The following SLC67A2 variants were observed in gnomAD, a reference collection of about 807,000 sequenced individuals.
The protein encoded by SLC67A2 is solute carrier family 67 member A2.
chr2:102,725,990 G>A, the SLC67A2 span, among the ~76,000 whole-genome samples: 3 of 152,128 alleles, frequency 2.0e-5, no homozygotes. Flanking sequence ...TCCTAAGAAC[G>A]GCAAAGAGAG....
At chr2:102,736,630 C>A in the SLC67A2 span, 1 of 1,613,902 alleles carries the variant, frequency 6.2e-7, no homozygotes, top group African/African-American at 1.3e-5. Context: ...CTCCCAGCCC[C>A]CACGCTCGCA....
At chr2:102,724,573 C>T in the SLC67A2 span, among the ~76,000 whole-genome samples, 2 of 152,200 alleles carry the variant, frequency 1.3e-5, no homozygotes, top group African/African-American at 2.4e-5. Flanking sequence ...TGTCCCTAGA[C>T]CCCCCACGTG....
the SLC67A2 span, chr2:102,732,246 T>C: frequency 2.5e-6 from 3 of 1,211,998 alleles, no homozygotes; most frequent in Non-Finnish European, 3.7e-6. Flanking sequence ...GGATACAAAA[T>C]TGAATTGTTT....
chr2:102,732,176 T>C, the SLC67A2 span: 2 of 771,716 alleles, frequency 2.6e-6, no homozygotes, highest in African/African-American at 3.5e-5. Flanking sequence ...TAGGGTAATA[T>C]TTTAAAATAT....
At chr2:102,726,432 G>A in the SLC67A2 span, among the ~76,000 whole-genome samples, 22 of 152,314 alleles carry the variant, frequency 1.4e-4, no homozygotes, top group South Asian at 2.1e-4. Context: ...TGTCAAGTAC[G>A]ACTCCAGGTT....
chr2:102,729,633 G>A, the SLC67A2 span, among the ~76,000 whole-genome samples: 2 of 152,058 alleles, frequency 1.3e-5, no homozygotes, highest in Non-Finnish European at 2.9e-5. Context: ...ATATCATTAA[G>A]GCAATGACAG....
the SLC67A2 span, chr2:102,718,355 C>T: frequency 6.3e-7 from 1 of 1,574,852 alleles, no homozygotes; most frequent in Non-Finnish European, 8.6e-7. Context: ...GTGCCCTTTT[C>T]ATCATGGCCT....
chr2:102,719,912 C>A, the SLC67A2 span, among the ~76,000 whole-genome samples: 2 of 152,142 alleles, frequency 1.3e-5, no homozygotes, highest in Non-Finnish European at 2.9e-5. Context: ...GTCACACCTG[C>A]AAAACCTCAG....
the SLC67A2 span, chr2:102,736,861 G>T: frequency 2.6e-6 from 4 of 1,544,682 alleles, no homozygotes; most frequent in East Asian, 2.3e-5. Flanking sequence ...ACCTACCCCG[G>T]GAGCCCAGCC....
chr2:102,734,828 T>G, the SLC67A2 span, among the ~76,000 whole-genome samples: 1 of 152,222 alleles, frequency 6.6e-6, no homozygotes, highest in African/African-American at 2.4e-5. Context: ...AAACATATGA[T>G]AAATTGTGAA....
chr2:102,722,058 C>T, the SLC67A2 span, among the ~76,000 whole-genome samples: 8 of 152,236 alleles, frequency 5.3e-5, no homozygotes, highest in Non-Finnish European at 1.0e-4. Context: ...GACAAAATCT[C>T]TTCCCTCATG....
At chr2:102,719,787 CAT>C in the SLC67A2 span, among the ~76,000 whole-genome samples, 6 of 152,222 alleles carry the variant, frequency 3.9e-5, no homozygotes, top group Non-Finnish European at 5.9e-5. Flanking sequence ...CAGGCTGCCA[CAT>C]ATGTGACAGC....
the SLC67A2 span, chr2:102,726,764 C>A: frequency 1.3e-6 from 2 of 1,514,010 alleles, no homozygotes; most frequent in South Asian, 1.4e-5. Flanking sequence ...AGAGGTGGCC[C>A]AGGAGGAAGC....
At chr2:102,736,824 G>C in the SLC67A2 span, 1 of 1,590,822 alleles carries the variant, frequency 6.3e-7, no homozygotes, top group Non-Finnish European at 8.6e-7. Context: ...CGCGCCGGCC[G>C]GGGGTCGGAC....
chr2:102,726,833 A>G, the SLC67A2 span: 2 of 1,568,638 alleles, frequency 1.3e-6, no homozygotes, highest in African/African-American at 1.4e-5. Flanking sequence ...AAAAAAAAAA[A>G]AAGTCACTCA....
chr2:102,732,434 A>G, the SLC67A2 span: 2 of 1,556,896 alleles, frequency 1.3e-6, no homozygotes, highest in South Asian at 2.4e-5. Context: ...ATGCTGATGG[A>G]CTCAAATTAG....
the SLC67A2 span, chr2:102,718,461 G>T: frequency 3.4e-5 from 55 of 1,614,034 alleles, no homozygotes; most frequent in Non-Finnish European, 4.3e-5. Flanking sequence ...CCACTAGAGT[G>T]TCGCTTGTTT....
At chr2:102,719,154 C>A in the SLC67A2 span, 2 of 1,614,132 alleles carry the variant, frequency 1.2e-6, no homozygotes, top group Admixed American at 3.3e-5. Flanking sequence ...AATGGCAGGC[C>A]CTTCTCTGTA....
the SLC67A2 span, chr2:102,736,838 G>T: frequency 6.3e-7 from 1 of 1,579,234 alleles, no homozygotes; most frequent in Admixed American, 1.7e-5. Context: ...GTCGGACGCA[G>T]CAGCAGCCGC....
Sources: gnomAD v4.1 joint callset for allele counts (sites outside exome capture counted in the v4.1 genomes callset) on GRCh38, gnomAD v4.1.1 for gene constraint, MANE v1.5 for transcripts, NCBI Gene and HGNC (gene_info 2026-07-23, HGNC 2026-07-21) for gene names.